Variants in SPICE1 observed in about 807,000 individuals in gnomAD.
SPICE1 encodes spindle and centriole associated protein 1.
In SPICE1, 75 loss-of-function variants were observed where a neutral mutation model predicts 102.7. That is an observed-to-expected ratio of 0.73 (90% CI 0.61 to 0.88). SPICE1 has a LOEUF of 0.88. Ranked by LOEUF, SPICE1 falls within the 40% of genes least tolerant of loss-of-function variation. The pLI is 0.00. For missense variants in SPICE1, 979 were observed against 1,020.1 expected (o/e 0.96, Z 0.55); for synonymous variants, 308 against 350.3 (o/e 0.88, Z 1.35).
At chr3:113,463,718 A>C (rs1006387804) in intron 11 of SPICE1, among the ~76,000 whole-genome samples, 9 of 152,230 alleles carry the variant, frequency 5.9e-5, no homozygotes, top group Middle Eastern at 3.2e-3. Flanking sequence ...AAACACAAAA[A>C]GTAGATTAGT....
intron 7 of SPICE1, among the ~76,000 whole-genome samples, chr3:113,475,070 A>G (rs929661439): frequency 1.3e-5 from 2 of 152,220 alleles, no homozygotes; most frequent in Non-Finnish European, 2.9e-5. Context: ...AAGAAGAATC[A>G]AATAGATGCA....
intron 7 of SPICE1, among the ~76,000 whole-genome samples, chr3:113,484,467 T>C (rs201615532): frequency 2.0e-5 from 3 of 152,186 alleles, no homozygotes; most frequent in African/African-American, 4.8e-5. Context: ...TTAATTGTGA[T>C]GTTAGGTGTC....
intron 7 of SPICE1, among the ~76,000 whole-genome samples, chr3:113,478,386 G>C (rs538411344): frequency 3.5e-4 from 54 of 152,130 alleles, no homozygotes; most frequent in African/African-American, 1.3e-3. Flanking sequence ...AAAAAGCCAA[G>C]ATAAGCCAGG....
At chr3:113,497,429 C>T (rs1026768527) in intron 4 of SPICE1, among the ~76,000 whole-genome samples, 1 of 152,092 alleles carries the variant, frequency 6.6e-6, no homozygotes, top group South Asian at 2.1e-4. Context: ...AATTGTGGTA[C>T]ATCTATATGC....
intron 12 of SPICE1, among the ~76,000 whole-genome samples, chr3:113,458,642 G>A (rs565922975): frequency 3.3e-5 from 5 of 152,284 alleles, no homozygotes; most frequent in South Asian, 2.1e-4. Context: ...ACCCCGTCTA[G>A]GAAGTGAGGA....
chr3:113,466,456 G>A (rs6805691), intron 10 of SPICE1, among the ~76,000 whole-genome samples: 81,928 of 151,570 alleles, frequency 0.54, 23,391 homozygotes, highest in African/African-American at 0.72. Context: ...CTAAAAATAC[G>A]AAAATTAACT....
intron 7 of SPICE1, among the ~76,000 whole-genome samples, chr3:113,482,428 CA>C (rs1936532924): frequency 6.6e-6 from 1 of 152,126 alleles, no homozygotes. Context: ...TCCTCTTTGT[CA>C]ATTTTGGCTT....
chr3:113,514,746 C>T, intron 1 of SPICE1, 151 bp downstream of exon 1: 10 of 1,287,906 alleles, frequency 7.8e-6, no homozygotes, highest in Non-Finnish European at 1.0e-5. Flanking sequence ...TTGCCTCTCT[C>T]CTGCTACACG....
intron 7 of SPICE1, among the ~76,000 whole-genome samples, chr3:113,471,240 A>G (rs1349096019): frequency 6.6e-6 from 1 of 152,206 alleles, no homozygotes; most frequent in Non-Finnish European, 1.5e-5. Context: ...TTCAGATACA[A>G]TTTAGAATCT....
At chr3:113,477,622 T>C (rs1559966824) in intron 7 of SPICE1, among the ~76,000 whole-genome samples, 1 of 152,100 alleles carries the variant, frequency 6.6e-6, no homozygotes, top group Admixed American at 6.5e-5. Context: ...AATGATAAGT[T>C]CATGTCCTTT....
intron 17 of SPICE1, 27 bp downstream of exon 17, chr3:113,446,562 A>G (rs753455075): frequency 6.4e-7 from 1 of 1,568,862 alleles, no homozygotes; most frequent in Non-Finnish European, 8.8e-7. Context: ...CCCTATATGC[A>G]TTTCACAATT....
intron 12 of SPICE1, chr3:113,459,801 G>C: frequency 1.1e-6 from 1 of 885,330 alleles, no homozygotes; most frequent in Non-Finnish European, 1.4e-6. Flanking sequence ...AGAATCGCTT[G>C]AAACTGGAAG....
chr3:113,488,458 G>T, intron 7 of SPICE1, among the ~76,000 whole-genome samples: 1 of 152,134 alleles, frequency 6.6e-6, no homozygotes, highest in Admixed American at 6.5e-5. Context: ...GCAACAACTT[G>T]GATGGAGCTG....
chr3:113,476,834 AG>A (rs1936362216), intron 7 of SPICE1, among the ~76,000 whole-genome samples: 1 of 150,192 alleles, frequency 6.7e-6, no homozygotes, highest in African/African-American at 2.4e-5. Context: ...TAAAAACCCT[AG>A]AAGAAAACCT....
intron 12 of SPICE1, chr3:113,460,200 TTC>T (rs1935896157): frequency 1.0e-6 from 1 of 985,326 alleles, no homozygotes; most frequent in African/African-American, 1.7e-5. Flanking sequence ...CTCAGTATTT[TTC>T]TCTTTCCAAA....
At chr3:113,493,151 T>G in intron 6 of SPICE1, 55 bp downstream of exon 6, 1 of 1,284,716 alleles carries the variant, frequency 7.8e-7, no homozygotes, top group Non-Finnish European at 1.1e-6. Flanking sequence ...AAGGCCTATA[T>G]CAACTTAAAC....
Position 113,442,772 on chromosome 3 carries a change from G to C in SPICE1, c.*2535C>G, listed in dbSNP as rs896644643. ...TTCCACAATGTTACACAAATACCAT[G>C]CATTTATTTGCAATACTGAAATGTC... On this transcript the variant is annotated 3_prime_UTR_variant, in exon 18 of 18. Coordinates refer to ENST00000295872, the MANE Select transcript of SPICE1 (RefSeq NM_144718.4). 4.6e-5 allele frequency: 7 copies of C among 152,226 alleles called. No individual in the cohort carries two copies. The highest frequency in any genetic ancestry group is 4.1e-4 in the South Asian group (2 of 4,832). The allele number at this position is 152,226 out of a possible 1,614,324, so 9.4% of individuals were successfully genotyped here.
At chr3:113,452,915 T>C (rs1576621753) in intron 14 of SPICE1, among the ~76,000 whole-genome samples, 1 of 151,708 alleles carries the variant, frequency 6.6e-6, no homozygotes, top group Non-Finnish European at 1.5e-5. Context: ...GAGGCAGAGG[T>C]TGCAGTGAGC....
Position 113,443,468 on chromosome 3 carries a change from C to T in SPICE1, c.*1839G>A, listed in dbSNP as rs1174170470. 1 of 152,214 alleles carries T rather than the reference C, an allele frequency of 6.6e-6. No individual in the cohort carries two copies. Among genetic ancestry groups the T allele is most frequent in the Non-Finnish European group, 1.5e-5 (1 of 68,046 alleles). 9.4% of individuals were successfully genotyped at this position (152,214 alleles called of 1,614,324 possible). On this transcript the variant is annotated 3_prime_UTR_variant, in exon 18 of 18. Transcript: ENST00000295872. ...CTTCACCTCTAGGGCTCAGCATCCT[C>T]ATCTGTAAAGGTGCTGGGAGAGGAG...
Sources: gnomAD v4.1 joint callset for allele counts (sites outside exome capture counted in the v4.1 genomes callset) on GRCh38, gnomAD v4.1.1 for gene constraint, MANE v1.5 for transcripts, NCBI Gene and HGNC (gene_info 2026-07-23, HGNC 2026-07-21) for gene names.